The following CRYL1 variants were observed in gnomAD, a reference collection of about 807,000 sequenced individuals.
CRYL1 encodes the protein crystallin lambda 1.
A neutral mutation model predicts 36.6 loss-of-function variants in CRYL1; 29 were observed. That is an observed-to-expected ratio of 0.79 (90% CI 0.59 to 1.08). The LOEUF is 1.08. CRYL1 is among the 50% of genes least tolerant of loss of function. CRYL1 has a pLI of 0.00. For missense variants in CRYL1, 411 were observed against 407.9 expected (o/e 1.01, Z -0.06); for synonymous variants, 152 against 151.5 (o/e 1.00, Z -0.02).
chr13:20,448,509 C>G (rs2032501727), intron 3 of CRYL1, among the ~76,000 whole-genome samples: 1 of 152,084 alleles, frequency 6.6e-6, no homozygotes, highest in African/African-American at 2.4e-5. Flanking sequence ...CCTAGGTATA[C>G]CATATTCAAA....
chr13:20,495,408 T>C (rs2137481366), intron 2 of CRYL1, among the ~76,000 whole-genome samples: 1 of 152,340 alleles, frequency 6.6e-6, no homozygotes, highest in Non-Finnish European at 1.5e-5. Flanking sequence ...ATGTTAACAA[T>C]TCTCACGGTA....
chr13:20,433,219 G>A (rs902235922), intron 4 of CRYL1, among the ~76,000 whole-genome samples: 3 of 152,132 alleles, frequency 2.0e-5, no homozygotes, highest in Admixed American at 1.3e-4. Flanking sequence ...CCCAAGGGAG[G>A]ACCCTGGACT....
intron 3 of CRYL1, among the ~76,000 whole-genome samples, chr13:20,462,467 T>G (rs1438366858): frequency 6.7e-6 from 1 of 148,668 alleles, no homozygotes; most frequent in Non-Finnish European, 1.5e-5. Flanking sequence ...GACTTGCCAG[T>G]GTGAATATTT....
At chr13:20,482,232 A>G (rs562272428) in intron 3 of CRYL1, among the ~76,000 whole-genome samples, 283 of 152,342 alleles carry the variant, frequency 1.9e-3, no homozygotes, top group Middle Eastern at 3.4e-3. Context: ...AATTCTGATC[A>G]TCTACATAGA....
At chr13:20,475,302 G>A (rs1010660445) in intron 3 of CRYL1, among the ~76,000 whole-genome samples, 19 of 152,172 alleles carry the variant, frequency 1.2e-4, no homozygotes, top group Non-Finnish European at 2.4e-4. Flanking sequence ...AAGCGACCTG[G>A]CCCAAAGGCT....
chr13:20,507,624 A>T (rs1386338170), intron 2 of CRYL1, among the ~76,000 whole-genome samples: 1 of 152,226 alleles, frequency 6.6e-6, no homozygotes, highest in Admixed American at 6.5e-5. Flanking sequence ...AACTGATTAA[A>T]AGTCCACGCC....
rs1008187324 is a variant in CRYL1 at position 20,513,151 on chromosome 13, G to A, written c.42-601C>T. Among the ~76,000 whole-genome samples, 9 of 152,238 alleles carry A rather than the reference G, an allele frequency of 5.9e-5. No homozygotes were observed. In the South Asian group the frequency reaches 1.9e-3, roughly 32 times the overall value. ...TAACTGTTTCCACCCAGGAGCTCCTGAGCCCTCAACTCCAGTGCTGGTATT... is the reference window on the plus strand; with the variant it reads ...TAACTGTTTCCACCCAGGAGCTCCTAAGCCCTCAACTCCAGTGCTGGTATT... On this transcript the variant is annotated intron_variant, in intron 1 of 7. Coordinates refer to ENST00000298248, the MANE Select transcript of CRYL1 (RefSeq NM_015974.3).
chr13:20,485,909 A>G (rs1312992551), intron 3 of CRYL1, among the ~76,000 whole-genome samples: 2 of 126,614 alleles, frequency 1.6e-5, no homozygotes, highest in African/African-American at 6.8e-5. Flanking sequence ...CAGGTCTCAT[A>G]ATATTTTGTT....
At chr13:20,459,306 A>G (rs1382688182) in intron 3 of CRYL1, among the ~76,000 whole-genome samples, 1 of 152,026 alleles carries the variant, frequency 6.6e-6, no homozygotes, top group Non-Finnish European at 1.5e-5. Context: ...CGAAGTGCTT[A>G]AAAGAGAATA....
Position 20,525,535 on chromosome 13 carries a change from C to T in CRYL1, c.41+219G>A, listed in dbSNP as rs2034175572. ...AACGCTGGCTCCCGGGAAGCAGACC[C>T]AACTCCGCGGGGCGCCTCCACCTGC... On this transcript the variant is annotated intron_variant, in intron 1 of 7. Transcript: ENST00000298248. The surrounding 1 kb of genome is among the most constrained non-coding windows in gnomAD (Gnocchi z 4.3). 6.6e-6 allele frequency among the ~76,000 whole-genome samples: 1 copy of T among 152,142 alleles called. No homozygotes were observed. Among genetic ancestry groups the T allele is most frequent in the South Asian group, 2.1e-4 (1 of 4,834 alleles).
chr13:20,404,072 G>T lies in CRYL1; in HGVS notation c.*57C>A, dbSNP rs1705257429. ...GTCACAGAGGGCTGATTAAGGGCTT[G>T]CAGTGTTCCCAAATAGGGCCTCCAA... On this transcript the variant is annotated 3_prime_UTR_variant, in exon 8 of 8. Coordinates refer to ENST00000298248, the MANE Select transcript of CRYL1 (RefSeq NM_015974.3). 1 of 1,207,254 alleles carries T rather than the reference G, an allele frequency of 8.3e-7. No homozygotes were observed. The highest frequency in any genetic ancestry group is 1.2e-6 in the Non-Finnish European group (1 of 811,824). The allele number at this position is 1,207,254 out of a possible 1,614,324, so 74.8% of individuals were successfully genotyped here.
At chr13:20,446,543 T>C (rs117375304) in intron 3 of CRYL1, among the ~76,000 whole-genome samples, 5,741 of 152,316 alleles carry the variant, frequency 0.038, 155 homozygotes, top group Middle Eastern at 0.082. Flanking sequence ...TGTTGAGGGA[T>C]TGAGCCTTCC....
intron 2 of CRYL1, among the ~76,000 whole-genome samples, chr13:20,499,154 G>A (rs904436135): frequency 3.3e-5 from 5 of 151,976 alleles, no homozygotes; most frequent in Non-Finnish European, 7.4e-5. Context: ...GACCAGCCTG[G>A]ACAACATGGC....
At chr13:20,495,556 A>C (rs964377645) in intron 2 of CRYL1, among the ~76,000 whole-genome samples, 1 of 152,212 alleles carries the variant, frequency 6.6e-6, no homozygotes, top group African/African-American at 2.4e-5. Flanking sequence ...TGGAAACGGC[A>C]CAGCTGCTGT....
chr13:20,414,250 A>AT (rs1201011751), intron 5 of CRYL1, among the ~76,000 whole-genome samples: 270 of 150,366 alleles, frequency 1.8e-3, no homozygotes, highest in African/African-American at 5.7e-3. Context: ...CTAAAAAGAG[A>AT]TTTTTTGTGT....
intron 3 of CRYL1, among the ~76,000 whole-genome samples, chr13:20,464,183 C>T (rs1375582295): frequency 6.6e-6 from 1 of 152,112 alleles, no homozygotes; most frequent in Non-Finnish European, 1.5e-5. Context: ...AAGTTACATG[C>T]AGGAGTTCAA....
At chr13:20,496,305 A>T (rs2137482625) in intron 2 of CRYL1, among the ~76,000 whole-genome samples, 1 of 152,296 alleles carries the variant, frequency 6.6e-6, no homozygotes, top group Non-Finnish European at 1.5e-5. Context: ...ACAAGATGAA[A>T]AAGCTCTGCA....
At chr13:20,410,197 G>A (rs1449802667) in intron 6 of CRYL1, among the ~76,000 whole-genome samples, 1 of 148,006 alleles carries the variant, frequency 6.8e-6, no homozygotes, top group African/African-American at 2.5e-5. Flanking sequence ...GGAATACTAT[G>A]CAGCCATAAA....
intron 1 of CRYL1, among the ~76,000 whole-genome samples, chr13:20,520,826 C>A (rs532108594): frequency 6.6e-6 from 1 of 152,130 alleles, no homozygotes; most frequent in African/African-American, 2.4e-5. Context: ...TGGACCCGGG[C>A]CGGGCACGGT....
Sources: allele counts gnomAD v4.1 joint callset (sites outside exome capture counted in the v4.1 genomes callset), GRCh38; gene constraint gnomAD v4.1.1; non-coding constraint Gnocchi (gnomAD v3.1); transcripts MANE v1.5; gene names NCBI Gene and HGNC (gene_info 2026-07-23, HGNC 2026-07-21).